ANK3: variants seen among roughly 807,000 people sequenced by gnomAD.
ANK3 encodes the protein ankyrin-3.
ANK3 carries 57 observed loss-of-function variants against 370.9 expected under a neutral mutation model. That is an observed-to-expected ratio of 0.15 (90% CI 0.12 to 0.19). ANK3 has a LOEUF of 0.19. Among genes scored for constraint, ANK3 ranks in the 10% least tolerant of loss-of-function variants. ANK3 has a pLI of 1.00. For synonymous variants in ANK3, 1,929 were observed against 1,946.3 expected (o/e 0.99, Z 0.23); for missense variants, 4,439 against 5,302.1 (o/e 0.84, Z 5.06).
intron 1 of ANK3, among the ~76,000 whole-genome samples, chr10:60,379,541 AG>A (rs2061275868): frequency 6.6e-6 from 1 of 152,200 alleles, no homozygotes; most frequent in Admixed American, 6.5e-5. Context: ...AACCATAAAA[AG>A]GAATGAAATC....
At position 60,555,487 on chromosome 10, in the gene ANK3, G is replaced by GA. The variant is rs920163870; in HGVS notation, c.96+59698dup. On this transcript the variant is annotated intron_variant, in intron 2 of 43. Transcript: ENST00000373827. ...GACCCTGTCTCCAAAAATTAAAAAT[G>GA]AAAAAAAAAAGAAATTACAAAATTT... Among the ~76,000 whole-genome samples the GA allele has an allele frequency of 5.2e-3, 740 of 142,200 alleles. 11 individuals carry two copies. Among genetic ancestry groups the GA allele is most frequent in the African/African-American group, 0.018 (681 of 38,746 alleles). 93.3% of individuals were successfully genotyped at this position (142,200 alleles called of 152,430 possible).
chr10:60,506,317 A>T (rs1018084826), intron 2 of ANK3, among the ~76,000 whole-genome samples: 17 of 152,128 alleles, frequency 1.1e-4, no homozygotes, highest in African/African-American at 3.9e-4. Flanking sequence ...CATAATGCAA[A>T]CAAAATCACT....
At chr10:60,593,304 G>A (rs1332799342) in intron 2 of ANK3, among the ~76,000 whole-genome samples, 1 of 152,126 alleles carries the variant, frequency 6.6e-6, no homozygotes, top group Non-Finnish European at 1.5e-5. Flanking sequence ...TGCCTGTCCT[G>A]TAGCTGGGAA....
At position 60,085,131 on chromosome 10, in the gene ANK3, CT is replaced by C. The variant is rs1295710326; in HGVS notation, c.3845+25del. 7.6e-6 allele frequency: 12 copies of C among 1,574,560 alleles called. No homozygotes were observed. The East Asian group carries it at 2.7e-4, about 36-fold the overall frequency. On this transcript the variant is annotated intron_variant, in intron 31 of 43. Transcript: ENST00000280772. ...GGTAATAAAAACTAATTCCTTACTG[CT>C]TTTTGGAATCCTTTATTTCCATACC...
At chr10:60,493,775 T>A (rs1436517359) in intron 2 of ANK3, among the ~76,000 whole-genome samples, 2 of 151,954 alleles carry the variant, frequency 1.3e-5, no homozygotes, top group African/African-American at 4.8e-5. Flanking sequence ...TCATTACACA[T>A]AAAGGTGGTT....
intron 2 of ANK3, among the ~76,000 whole-genome samples, chr10:60,495,028 G>A (rs918724208): frequency 6.6e-6 from 1 of 152,092 alleles, no homozygotes; most frequent in African/African-American, 2.4e-5. Context: ...AATAGCAGAA[G>A]GCAAGCCAGA....
intron 2 of ANK3, among the ~76,000 whole-genome samples, chr10:60,581,359 C>A (rs535439220): frequency 6.6e-6 from 1 of 151,148 alleles, no homozygotes; most frequent in South Asian, 2.1e-4. Flanking sequence ...CATCTTTACA[C>A]ACATCTGTTC....
intron 2 of ANK3, among the ~76,000 whole-genome samples, chr10:60,470,553 G>A (rs1447561062): frequency 6.6e-6 from 1 of 152,148 alleles, no homozygotes; most frequent in Admixed American, 6.6e-5. Flanking sequence ...TTGAGTAGAA[G>A]AAATACACAT....
intron 1 of ANK3, among the ~76,000 whole-genome samples, chr10:60,679,729 T>C (rs1412266851): frequency 1.3e-5 from 2 of 152,110 alleles, no homozygotes; most frequent in African/African-American, 4.8e-5. Flanking sequence ...ACGTCAAGGG[T>C]TGGACAGCGC....
chr10:60,366,396 T>C (rs760419651), intron 1 of ANK3, among the ~76,000 whole-genome samples: 8 of 152,138 alleles, frequency 5.3e-5, no homozygotes, highest in Non-Finnish European at 7.4e-5. Context: ...AACTGCTCTT[T>C]CTCTGTTTTT....
At chr10:60,713,868 A>C (rs534556861) in intron 1 of ANK3, among the ~76,000 whole-genome samples, 3 of 152,142 alleles carry the variant, frequency 2.0e-5, no homozygotes, top group African/African-American at 7.2e-5. Context: ...TCCGTCTCAA[A>C]AAAAAGAAAA....
chr10:60,056,124 T>C lies in ANK3; in HGVS notation c.12687-88A>G, dbSNP rs993141069. On this transcript the variant is annotated intron_variant, in intron 41 of 43. Coordinates refer to ENST00000280772, the MANE Select transcript of ANK3 (RefSeq NM_020987.5). ...TCTAAAGTTTTAAGAACTGTGTCTT[T>C]TGCCTACTTCTGAAGGCATAAAATA... 2.1e-6 allele frequency: 3 copies of C among 1,435,838 alleles called. No individual in the cohort carries two copies. The East Asian group carries it at 6.9e-5, about 33-fold the overall frequency. 88.9% of individuals were successfully genotyped at this position (1,435,838 alleles called of 1,614,324 possible). A position where few individuals can be genotyped will look rare whatever the true frequency, so the allele number is the denominator to read the frequency against.
chr10:60,436,037 G>A (rs2064148466), intron 2 of ANK3, among the ~76,000 whole-genome samples: 1 of 151,246 alleles, frequency 6.6e-6, no homozygotes, highest in Non-Finnish European at 1.5e-5. Context: ...GCAGTGAGCG[G>A]AGATCGCGCC....
intron 1 of ANK3, among the ~76,000 whole-genome samples, chr10:60,388,926 A>C: frequency 6.6e-6 from 1 of 152,234 alleles, no homozygotes; most frequent in East Asian, 1.9e-4. Context: ...ATAAAAGCAA[A>C]GCAGGAAATG....
chr10:60,056,284 C>T (rs772402550), intron 41 of ANK3, among the ~76,000 whole-genome samples: 3 of 151,968 alleles, frequency 2.0e-5, no homozygotes, highest in Non-Finnish European at 2.9e-5. Context: ...GCCTGGCCAA[C>T]GTGGCAAAAC....
At chr10:60,459,361 C>T (rs1409492665) in intron 2 of ANK3, among the ~76,000 whole-genome samples, 60 of 152,096 alleles carry the variant, frequency 3.9e-4, no homozygotes, top group Non-Finnish European at 8.5e-4. Context: ...TCTGGCAGGT[C>T]GGGGACACTG....
At chr10:60,138,730 T>TG (rs2094450578) in intron 24 of ANK3, 2 of 545,386 alleles carry the variant, frequency 3.7e-6, no homozygotes, top group African/African-American at 2.1e-5. Flanking sequence ...GACTGCAAAG[T>TG]GGGAAAAAAA....
At chr10:60,574,815 C>T (rs1297548962) in intron 2 of ANK3, among the ~76,000 whole-genome samples, 1 of 152,142 alleles carries the variant, frequency 6.6e-6, no homozygotes, top group Non-Finnish European at 1.5e-5. Context: ...ACATTCTTTA[C>T]TAGGTAAGCA....
chr10:60,196,712 C>T, intron 14 of ANK3, 87 bp from the exon 15 acceptor site: 3 of 818,258 alleles, frequency 3.7e-6, no homozygotes, highest in Non-Finnish European at 5.9e-6. Flanking sequence ...AACAAACAAA[C>T]AAAAAGATAT....
Sources: gnomAD v4.1 joint callset for allele counts (sites outside exome capture counted in the v4.1 genomes callset) on GRCh38, gnomAD v4.1.1 for gene constraint, MANE v1.5 for transcripts, NCBI Gene and HGNC (gene_info 2026-07-23, HGNC 2026-07-21) for gene names.